The following ANKRD31 variants were observed in gnomAD, a reference collection of about 807,000 sequenced individuals.
The protein encoded by ANKRD31 is ankyrin repeat domain 31, also known as ankyrin repeat domain-containing protein 31.
In ANKRD31, 147 loss-of-function variants were observed where a neutral mutation model predicts 186.0. The observed-to-expected ratio is 0.79, with a 90% CI of 0.69 to 0.91. ANKRD31 has a LOEUF of 0.91. ANKRD31 is among the 40% of genes least tolerant of loss of function. ANKRD31 has a pLI of 0.00. For synonymous variants in ANKRD31, 673 were observed against 736.4 expected (o/e 0.91, Z 1.39); for missense variants, 1,986 against 2,148.8 (o/e 0.92, Z 1.50).
intron 3 of ANKRD31, among the ~76,000 whole-genome samples, chr5:75,211,639 A>G (rs1756656682): frequency 6.6e-6 from 1 of 152,190 alleles, no homozygotes; most frequent in South Asian, 2.1e-4. Context: ...ATTTCTCTAC[A>G]TTCTTGCCAA....
intron 25 of ANKRD31, among the ~76,000 whole-genome samples, chr5:75,075,883 T>C (rs1744594500): frequency 6.6e-6 from 1 of 152,160 alleles, no homozygotes. Context: ...TTAGTAATTA[T>C]TACTGTCCCA....
chr5:75,117,173 C>T (rs1279376647), intron 18 of ANKRD31, among the ~76,000 whole-genome samples: 1 of 152,022 alleles, frequency 6.6e-6, no homozygotes, highest in Admixed American at 6.6e-5. Flanking sequence ...GGTACCTGAT[C>T]AAGGAAACAA....
At chr5:75,193,831 A>T (rs1755282848) in intron 7 of ANKRD31, among the ~76,000 whole-genome samples, 1 of 152,192 alleles carries the variant, frequency 6.6e-6, no homozygotes, top group Non-Finnish European at 1.5e-5. Context: ...ATCAATATTT[A>T]TCTTGAAAAT....
chr5:75,222,442 A>G (rs2150308812), intron 2 of ANKRD31, 84 bp from the exon 3 acceptor site: 1 of 927,736 alleles, frequency 1.1e-6, no homozygotes, highest in East Asian at 2.7e-5. Context: ...ATACGCATGC[A>G]AAATGTTATC....
chr5:75,228,218 A>T (rs1757746742), intron 2 of ANKRD31, among the ~76,000 whole-genome samples: 1 of 152,380 alleles, frequency 6.6e-6, no homozygotes, highest in South Asian at 2.1e-4. Flanking sequence ...CATTAGTAGC[A>T]TGCTCACTCA....
chr5:75,140,993 G>A (rs1751008025), intron 15 of ANKRD31, among the ~76,000 whole-genome samples: 1 of 152,150 alleles, frequency 6.6e-6, no homozygotes, highest in African/African-American at 2.4e-5. Flanking sequence ...GTGTGTAATA[G>A]AGACAACTAC....
At chr5:75,217,664 G>A (rs1757041077) in intron 3 of ANKRD31, among the ~76,000 whole-genome samples, 1 of 152,084 alleles carries the variant, frequency 6.6e-6, no homozygotes, top group South Asian at 2.1e-4. Flanking sequence ...TATGTGAGAT[G>A]GGTCTCTTGA....
chr5:75,105,093 C>T lies in ANKRD31; in HGVS notation c.4466G>A (p.Cys1489Tyr). 6.5e-7 allele frequency: 1 copy of T among 1,537,070 alleles called. No homozygotes were observed. Residue 1489 changes from cysteine to tyrosine, a missense_variant, in exon 22 of 26, where the codon TGT (cysteine) becomes TAT (tyrosine). Coordinates refer to ENST00000506364, the MANE Select transcript of ANKRD31 (RefSeq NM_001372053.1). The part of the protein sequence containing the change: ...QKKISLKIQN[C>Y]RNVTSLPCLS... ...ACAAGGCAATGATGTAACATTCCTACAGTTTTGAATTTTCAGGCTTATTTT... is the reference window on the plus strand; with the variant it reads ...ACAAGGCAATGATGTAACATTCCTATAGTTTTGAATTTTCAGGCTTATTTT...
intron 13 of ANKRD31, 72 bp downstream of exon 13, chr5:75,148,504 C>A: frequency 9.2e-7 from 1 of 1,083,670 alleles, no homozygotes; most frequent in Non-Finnish European, 1.3e-6. Context: ...TCTTTCTCTT[C>A]CCTTTGACAA....
chr5:75,130,165 T>G (rs965683782), intron 17 of ANKRD31, among the ~76,000 whole-genome samples: 24 of 152,312 alleles, frequency 1.6e-4, no homozygotes, highest in African/African-American at 5.8e-4. Context: ...CAGTGAGTGT[T>G]ACAGCTCTTA....
intron 10 of ANKRD31, among the ~76,000 whole-genome samples, chr5:75,174,938 T>A (rs6877232): frequency 0.51 from 77,290 of 152,124 alleles, 22,705 homozygotes; most frequent in African/African-American, 0.82. Flanking sequence ...ATGTATGTTT[T>A]TTGTGGCACT....
intron 12 of ANKRD31, among the ~76,000 whole-genome samples, chr5:75,149,659 C>T (rs1751716359): frequency 6.6e-6 from 1 of 151,820 alleles, no homozygotes; most frequent in Admixed American, 6.6e-5. Context: ...ATGTCTCTGC[C>T]TCCATAAAAT....
intron 23 of ANKRD31, among the ~76,000 whole-genome samples, chr5:75,085,895 G>C (rs1745448581): frequency 6.6e-6 from 1 of 152,150 alleles, no homozygotes; most frequent in Non-Finnish European, 1.5e-5. Flanking sequence ...AAAGGTCTAG[G>C]GGATCTTAAA....
chr5:75,087,387 G>C (rs1162923528), intron 23 of ANKRD31, among the ~76,000 whole-genome samples: 1 of 151,986 alleles, frequency 6.6e-6, no homozygotes, highest in African/African-American at 2.4e-5. Flanking sequence ...CATGCCTGTA[G>C]TCCCAGCTAC....
At chr5:75,169,148 G>A in intron 10 of ANKRD31, 27 bp from the exon 11 acceptor site, 1 of 1,524,988 alleles carries the variant, frequency 6.6e-7, no homozygotes, top group Non-Finnish European at 8.8e-7. Flanking sequence ...TACGGCATTT[G>A]TTTACATTTG....
At chr5:75,126,900 T>A (rs904404560) in intron 17 of ANKRD31, among the ~76,000 whole-genome samples, 1 of 152,224 alleles carries the variant, frequency 6.6e-6, no homozygotes, top group Non-Finnish European at 1.5e-5. Flanking sequence ...ATACTTTCTC[T>A]ATTGAATTGC....
chr5:75,112,918 C>T (rs1410051123), intron 19 of ANKRD31, among the ~76,000 whole-genome samples: 3 of 152,188 alleles, frequency 2.0e-5, no homozygotes, highest in African/African-American at 7.2e-5. Flanking sequence ...AAATAAATCA[C>T]ATAACATTGA....
At chr5:75,171,235 A>G (rs1472683032) in intron 10 of ANKRD31, among the ~76,000 whole-genome samples, 1 of 152,112 alleles carries the variant, frequency 6.6e-6, no homozygotes, top group African/African-American at 2.4e-5. Flanking sequence ...TCAATTCTCA[A>G]TAAATGCAAA....
chr5:75,181,156 A>T (rs1392550420), intron 10 of ANKRD31, among the ~76,000 whole-genome samples: 3 of 152,240 alleles, frequency 2.0e-5, no homozygotes, highest in Non-Finnish European at 4.4e-5. Context: ...ACTGGCCATC[A>T]GAGAAATACA....
Sources: allele counts gnomAD v4.1 joint callset (sites outside exome capture counted in the v4.1 genomes callset), GRCh38; gene constraint gnomAD v4.1.1; transcripts MANE v1.5; gene names NCBI Gene and HGNC (gene_info 2026-07-23, HGNC 2026-07-21).